The following MYOM2 variants were observed in gnomAD, a reference collection of about 807,000 sequenced individuals.
MYOM2 encodes the protein myomesin-2.
A neutral mutation model predicts 187.6 loss-of-function variants in MYOM2; 254 were observed. The observed-to-expected ratio is 1.35, with a 90% confidence interval of 1.22 to 1.50. MYOM2 has a LOEUF of 1.50. Ranked by LOEUF, MYOM2 falls within the 40% of genes most tolerant of loss-of-function variation. The probability of loss-of-function intolerance (pLI) is 0.00; values close to 1 mark genes in which losing one functional copy is unlikely to be tolerated. For missense variants in MYOM2, 2,796 were observed against 1,924.0 expected (o/e 1.45, Z -8.48); for synonymous variants, 981 against 753.8 (o/e 1.30, Z -4.94).
chr8:2,076,455 C>T (rs1819425594), intron 11 of MYOM2, 173 bp downstream of exon 11: 4 of 834,280 alleles, frequency 4.8e-6, no homozygotes, highest in East Asian at 2.9e-5. Context: ...GTAAATACGG[C>T]CAAGTAGGCT....
intron 31 of MYOM2, among the ~76,000 whole-genome samples, chr8:2,126,409 G>A (rs1258067265): frequency 2.0e-5 from 3 of 148,886 alleles, no homozygotes; most frequent in Non-Finnish European, 4.4e-5. Context: ...ACACACACAC[G>A]ATTTCCCACT....
chr8:2,050,216 G>A (rs989317238), intron 1 of MYOM2, among the ~76,000 whole-genome samples: 8 of 152,020 alleles, frequency 5.3e-5, no homozygotes, highest in African/African-American at 1.9e-4. Flanking sequence ...TTGCTTATGG[G>A]CTGCCCTCCT....
intron 14 of MYOM2, 83 bp downstream of exon 14, chr8:2,085,473 C>CGTGATCTCCGCGTGGCCCCCCACTGTT (rs1819796342): frequency 1.4e-6 from 2 of 1,478,612 alleles, no homozygotes; most frequent in African/African-American, 1.5e-5. Context: ...CCACCGCTGT[C>CGTGATCTCCGCGTGGCCCCCCACTGTT]GTGATCTCCG....
At chr8:2,137,062 C>T (rs538969587) in intron 32 of MYOM2, among the ~76,000 whole-genome samples, 19 of 151,930 alleles carry the variant, frequency 1.3e-4, no homozygotes, top group Non-Finnish European at 2.2e-4. Flanking sequence ...TCTAGTCTCT[C>T]TCTCTTTCTC....
At chr8:2,110,585 C>T (rs1482584163) in intron 25 of MYOM2, among the ~76,000 whole-genome samples, 1 of 152,142 alleles carries the variant, frequency 6.6e-6, no homozygotes, top group Non-Finnish European at 1.5e-5. Flanking sequence ...GAGCCCCCAT[C>T]TTTACTGCTT....
At position 2,108,251 on chromosome 8, in the gene MYOM2, G is replaced by GTTTA. The variant is rs1369665236; in HGVS notation, c.2999-523_2999-520dup. 2.0e-5 allele frequency among the ~76,000 whole-genome samples: 3 copies of GTTTA among 148,924 alleles called. No homozygotes were observed. The South Asian group carries it at 6.4e-4, about 32-fold the overall frequency. Reference sequence around the variant, plus strand: ...AGGAATGCAAAATGCAGTGTATTTTGTTTATTTATTTATTTTTTTTGTTAT... The same window carrying GTTTA: ...AGGAATGCAAAATGCAGTGTATTTTGTTTATTTATTTATTTATTTTTTTTGTTAT... On this transcript the variant is annotated intron_variant, in intron 23 of 36. Transcript: ENST00000262113.
intron 31 of MYOM2, among the ~76,000 whole-genome samples, chr8:2,128,867 A>G (rs941199426): frequency 2.6e-5 from 4 of 152,172 alleles, no homozygotes; most frequent in Admixed American, 1.3e-4. Context: ...CAGATGTTGA[A>G]TCTTTTTAGA....
At chr8:2,080,643 A>C (rs1819588799) in intron 13 of MYOM2, among the ~76,000 whole-genome samples, 1 of 152,212 alleles carries the variant, frequency 6.6e-6, no homozygotes, top group South Asian at 2.1e-4. Flanking sequence ...TCTCCTGGGC[A>C]TCTGGCTTTT....
At chr8:2,127,617 A>G (rs945443055) in intron 31 of MYOM2, 1 of 160,862 alleles carries the variant, frequency 6.2e-6, no homozygotes, top group East Asian at 2.0e-4. Flanking sequence ...GGCAGGCAGT[A>G]CCTCGGCGTG....
intron 12 of MYOM2, 134 bp from the exon 13 acceptor site, chr8:2,079,426 T>G: frequency 1.2e-6 from 1 of 836,656 alleles, no homozygotes; most frequent in Non-Finnish European, 2.0e-6. Flanking sequence ...CAGAATCAGC[T>G]CTGATGCCCC....
rs1022268774 is a variant in MYOM2, at chr8:2,066,397, C to T, written c.654-2881C>T. ...TGGCATTCGAATCCTTCCAGCGGTG[C>T]CTGTGGGAGGCTGTCGCCCTTGTTT... On this transcript the variant is annotated intron_variant, in intron 6 of 36. Coordinates refer to ENST00000262113, the MANE Select transcript of MYOM2 (RefSeq NM_003970.4). Among the ~76,000 whole-genome samples, 9 of 152,306 alleles carry T rather than the reference C, an allele frequency of 5.9e-5. No homozygotes were observed. In the South Asian group the frequency reaches 1.9e-3, roughly 32 times the overall value.
rs555520987 is a variant in MYOM2, at chr8:2,106,297, C to T, written c.2790C>T (p.Phe930=). 31 of 1,614,110 alleles carry T rather than the reference C, an allele frequency of 1.9e-5. No individual in the cohort carries two copies. Among genetic ancestry groups the T allele is most frequent in the East Asian group, 6.7e-5 (3 of 44,882 alleles). Reference sequence around the variant, plus strand: ...AACAAGGCAACATCTATCTGGGCTTCGACTGCCAGGAAATGACAGACGCGT... The same window carrying T: ...AACAAGGCAACATCTATCTGGGCTTTGACTGCCAGGAAATGACAGACGCGT... ...VDEQGNIYLG[F]DCQEMTDASQ... The change falls in exon 22 of 37, where the codon TTC becomes TTT. Residue 930 remains phenylalanine, a synonymous_variant. Coordinates refer to ENST00000262113, the MANE Select transcript of MYOM2 (RefSeq NM_003970.4).
chr8:2,133,184 G>T (rs540200922), intron 32 of MYOM2, among the ~76,000 whole-genome samples: 1 of 152,294 alleles, frequency 6.6e-6, no homozygotes, highest in East Asian at 1.9e-4. Flanking sequence ...GTATGTTAAG[G>T]TCCCCTCAGG....
At chr8:2,140,691 A>G (rs1291259837) in intron 32 of MYOM2, 32 bp from the exon 33 acceptor site, 5 of 1,610,192 alleles carry the variant, frequency 3.1e-6, no homozygotes, top group Non-Finnish European at 4.2e-6. Context: ...TGGAGACCCT[A>G]ACTCAGATAC....
At chr8:2,092,834 G>A (rs536759786) in intron 16 of MYOM2, among the ~76,000 whole-genome samples, 3 of 152,256 alleles carry the variant, frequency 2.0e-5, no homozygotes, top group Admixed American at 1.3e-4. Flanking sequence ...TAGTGACTAC[G>A]ATGTGAAAGT....
chr8:2,072,436 C>G lies in MYOM2; in HGVS notation c.885C>G (p.Val295=), dbSNP rs766854374. 3.1e-6 allele frequency: 5 copies of G among 1,614,152 alleles called. No individual in the cohort carries two copies. Among genetic ancestry groups the G allele is most frequent in the Non-Finnish European group, 4.2e-6 (5 of 1,180,040 alleles). Residue 295 remains valine (V), a synonymous_variant, in exon 9 of 37, where the codon GTC becomes GTG. Coordinates refer to ENST00000262113, the MANE Select transcript of MYOM2 (RefSeq NM_003970.4). ...GVTFRREGET[V]TLKCTMLVTP... ...CCTTCAGGAGGGAAGGCGAGACGGT[C>G]ACTCTCAAGTGCACCATGCTGGTGA...
chr8:2,139,149 T>C (rs1271910712), intron 32 of MYOM2, among the ~76,000 whole-genome samples: 2 of 152,000 alleles, frequency 1.3e-5, no homozygotes, highest in Non-Finnish European at 2.9e-5. Flanking sequence ...TTTTTACATA[T>C]ATACTTTTTG....
intron 1 of MYOM2, among the ~76,000 whole-genome samples, chr8:2,046,892 A>T (rs897887242): frequency 6.6e-6 from 1 of 151,588 alleles, no homozygotes; most frequent in Non-Finnish European, 1.5e-5. Flanking sequence ...CATTTTCTTT[A>T]TAGTGTCATA....
At chr8:2,068,973 C>G (rs1234628117) in intron 6 of MYOM2, among the ~76,000 whole-genome samples, 1 of 152,118 alleles carries the variant, frequency 6.6e-6, no homozygotes, top group Admixed American at 6.5e-5. Context: ...AAAATAGGAC[C>G]AGAATGGAAT....
Sources: allele counts gnomAD v4.1 joint callset (sites outside exome capture counted in the v4.1 genomes callset), GRCh38; gene constraint gnomAD v4.1.1; transcripts MANE v1.5; gene names NCBI Gene and HGNC (gene_info 2026-07-23, HGNC 2026-07-21).